Variants in CCNH observed in about 807,000 individuals in gnomAD.
CCNH encodes the protein cyclin H.
In CCNH, 31 loss-of-function variants were observed where a neutral mutation model predicts 41.9. The ratio of observed to expected loss-of-function variants is 0.74; its 90% CI spans 0.56 to 1.00. The LOEUF (loss-of-function observed/expected upper bound fraction) is 1.00. Among genes scored for constraint, CCNH ranks in the 50% least tolerant of loss-of-function variants. The probability of loss-of-function intolerance (pLI) is 0.00; values close to 1 mark genes in which losing one functional copy is unlikely to be tolerated. For synonymous variants in CCNH, 138 were observed against 136.1 expected, an observed-to-expected ratio of 1.01 and a Z score of -0.10; for missense variants, 362 against 388.4, an observed-to-expected ratio of 0.93 and a Z score of 0.57.
intron 9 of CCNH, among the ~76,000 whole-genome samples, chr5:87,362,910 T>C (rs1193920094): frequency 6.6e-6 from 1 of 151,476 alleles, no homozygotes; most frequent in Non-Finnish European, 1.5e-5. Flanking sequence ...TTCTTTCTTT[T>C]TTTTTTTTGA....
downstream of CCNH, chr5:87,391,137 A>G: frequency 1.7e-6 from 1 of 581,832 alleles, no homozygotes; most frequent in Non-Finnish European, 3.1e-6. Flanking sequence ...CTTGGTGTAC[A>G]GACCACCTTT....
At chr5:87,345,785 T>A (rs535288832) in intron 9 of CCNH, among the ~76,000 whole-genome samples, 1 of 152,284 alleles carries the variant, frequency 6.6e-6, no homozygotes, top group South Asian at 2.1e-4. Flanking sequence ...ATATTTACTT[T>A]CTAGCTTGCT....
downstream of CCNH, chr5:87,386,809 A>G (rs1317858746): frequency 1.9e-6 from 3 of 1,607,114 alleles, no homozygotes; most frequent in Non-Finnish European, 2.6e-6. Flanking sequence ...ATATAACAGA[A>G]GCATTTTATT....
At chr5:87,363,593 A>AGG in intron 9 of CCNH, 3 of 1,436,478 alleles carry the variant, frequency 2.1e-6, no homozygotes, top group Non-Finnish European at 2.9e-6. Context: ...GAGCCCTAAA[A>AGG]TCATCTTCTA....
downstream of CCNH, among the ~76,000 whole-genome samples, chr5:87,314,742 A>G (rs1756191941): frequency 6.7e-6 from 1 of 149,488 alleles, no homozygotes; most frequent in South Asian, 2.1e-4. Context: ...TGGTCATTTA[A>G]AAAAAAAAAG....
chr5:87,373,706 A>T (rs1292115544), downstream of CCNH, among the ~76,000 whole-genome samples: 2 of 152,314 alleles, frequency 1.3e-5, no homozygotes, highest in Non-Finnish European at 2.9e-5. Flanking sequence ...ATAAGAAGGT[A>T]AAGTCAGTGT....
chr5:87,346,386 C>T (rs1368393811), intron 9 of CCNH, among the ~76,000 whole-genome samples: 1 of 151,848 alleles, frequency 6.6e-6, no homozygotes, highest in African/African-American at 2.4e-5. Flanking sequence ...AAAAAAAAGA[C>T]CTATAACAGT....
At chr5:87,408,308 C>A in intron 3 of CCNH, 122 bp from the exon 4 acceptor site, 55 of 487,954 alleles carry the variant, frequency 1.1e-4, no homozygotes, top group Middle Eastern at 5.5e-4. Flanking sequence ...GCCTAATATT[C>A]AAAAGCGACT....
At chr5:87,340,650 TTG>T (rs1758365961) in intron 9 of CCNH, among the ~76,000 whole-genome samples, 1 of 152,128 alleles carries the variant, frequency 6.6e-6, no homozygotes, top group African/African-American at 2.4e-5. Context: ...GTCTTTTATA[TTG>T]AAAGTAGAAG....
At chr5:87,362,347 T>C (rs945374979) in intron 9 of CCNH, among the ~76,000 whole-genome samples, 4 of 152,216 alleles carry the variant, frequency 2.6e-5, no homozygotes, top group Admixed American at 6.5e-5. Flanking sequence ...GAAACCTTTC[T>C]GTGAACTTTG....
At chr5:87,374,701 G>A (rs1046031045), downstream of CCNH, 2 of 1,218,196 alleles carry the variant, frequency 1.6e-6, no homozygotes, top group African/African-American at 1.5e-5. Context: ...AAAATATGTT[G>A]TGAATCTGGT....
chr5:87,409,662 G>GTGTA (rs1764077752), intron 2 of CCNH, among the ~76,000 whole-genome samples: 1 of 150,382 alleles, frequency 6.6e-6, no homozygotes, highest in South Asian at 2.1e-4. Flanking sequence ...GTGTGTGTGT[G>GTGTA]TATTAGAAAT....
intron 9 of CCNH, among the ~76,000 whole-genome samples, chr5:87,322,653 C>T (rs1193066617): frequency 6.6e-6 from 1 of 152,182 alleles, no homozygotes; most frequent in African/African-American, 2.4e-5. Flanking sequence ...ACCATGCTTC[C>T]TCTATAGTCC....
chr5:87,361,223 T>C (rs991339319), intron 9 of CCNH, among the ~76,000 whole-genome samples: 2 of 152,204 alleles, frequency 1.3e-5, no homozygotes, highest in Admixed American at 1.3e-4. Flanking sequence ...CCAGTAAAAC[T>C]TTATGTATAA....
downstream of CCNH, among the ~76,000 whole-genome samples, chr5:87,390,129 A>G: frequency 6.6e-6 from 1 of 152,218 alleles, no homozygotes; most frequent in East Asian, 1.9e-4. Context: ...GGATGTATTC[A>G]AAGACCAGAC....
At chr5:87,372,157 A>G, downstream of CCNH, 1 of 1,613,626 alleles carries the variant, frequency 6.2e-7, no homozygotes, top group Non-Finnish European at 8.5e-7. Flanking sequence ...CAATTTACGG[A>G]AAAGTAGTCC....
chr5:87,399,907 T>C (rs1763269502), intron 6 of CCNH, among the ~76,000 whole-genome samples: 1 of 152,200 alleles, frequency 6.6e-6, no homozygotes, highest in African/African-American at 2.4e-5. Context: ...GGGCCAAGCA[T>C]ATACTTCCTG....
At chr5:87,348,333 G>C (rs1425839132) in intron 9 of CCNH, among the ~76,000 whole-genome samples, 1 of 151,814 alleles carries the variant, frequency 6.6e-6, no homozygotes, top group Non-Finnish European at 1.5e-5. Context: ...AGCATTCATT[G>C]TGCTTTCCTA....
In CCNH at chr5:87,349,455, G is replaced by C; in HGVS notation, c.*91-30558C>G. On this transcript the variant is annotated intron_variant and NMD_transcript_variant, in intron 9 of 9. Transcript: ENST00000645953. ...TATTCAGAGTCAAAATTATATAAAAGTTTCTAACTTCTAAAAATTATAAGA... is the reference window on the plus strand; with the variant it reads ...TATTCAGAGTCAAAATTATATAAAACTTTCTAACTTCTAAAAATTATAAGA... The C allele has an allele frequency of 2.1e-6, 3 of 1,422,798 alleles. No individual in the cohort carries two copies. The African/African-American group carries it at 4.3e-5, about 21-fold the overall frequency. 88.1% of individuals were successfully genotyped at this position (1,422,798 alleles called of 1,614,324 possible).
Sources: gnomAD v4.1 joint callset for allele counts (sites outside exome capture counted in the v4.1 genomes callset) on GRCh38, gnomAD v4.1.1 for gene constraint, MANE v1.5 for transcripts, NCBI Gene and HGNC (gene_info 2026-07-23, HGNC 2026-07-21) for gene names.